RNGTT: variants seen among roughly 807,000 people sequenced by gnomAD.
RNGTT encodes the protein RNA guanylyltransferase and 5'-phosphatase, also known as mRNA-capping enzyme.
RNGTT carries 33 observed loss-of-function variants against 79.3 expected under a neutral mutation model. That is an observed-to-expected ratio of 0.42 (90% CI 0.32 to 0.56). The LOEUF (loss-of-function observed/expected upper bound fraction) is 0.56. Ranked by LOEUF, RNGTT falls within the 20% of genes least tolerant of loss-of-function variation. RNGTT has a pLI of 0.17. For missense variants in RNGTT, 497 were observed against 739.1 expected (o/e 0.67, Z 3.80); for synonymous variants, 222 against 235.9 (o/e 0.94, Z 0.54).
At chr6:88,955,938 G>A (rs1785415794) in intron 1 of RNGTT, among the ~76,000 whole-genome samples, 1 of 151,420 alleles carries the variant, frequency 6.6e-6, no homozygotes, top group Non-Finnish European at 1.5e-5. Flanking sequence ...CTACTTGGGA[G>A]GCTGAGGCAG....
In RNGTT at chr6:88,904,913, T is replaced by A; in HGVS notation, c.486A>T (p.Pro162=). The part of the protein sequence containing the change: ...AVATFAQARP[P]GIYKGDYLKE... Reference sequence around the variant, plus strand: ...TCAAATAATCACCCTTGTAGATTCCTGGTGGTCTGGCTTGGGCAAAAGTAG... The same window carrying A: ...TCAAATAATCACCCTTGTAGATTCCAGGTGGTCTGGCTTGGGCAAAAGTAG... The change falls in exon 6 of 16, where the codon CCA becomes CCT. Residue 162 remains proline (P), a synonymous_variant. Transcript: ENST00000369485. The A allele has an allele frequency of 6.2e-7, 1 of 1,614,100 alleles. No homozygotes were observed. The highest frequency in any genetic ancestry group is 8.5e-7 in the Non-Finnish European group (1 of 1,179,998).
intron 11 of RNGTT, among the ~76,000 whole-genome samples, chr6:88,814,534 A>G (rs936041798): frequency 6.6e-6 from 1 of 152,204 alleles, no homozygotes; most frequent in Admixed American, 6.5e-5. Context: ...TAAAATATTT[A>G]TATACTTTGA....
intron 12 of RNGTT, among the ~76,000 whole-genome samples, chr6:88,796,779 T>C (rs923430567): frequency 1.3e-5 from 2 of 152,160 alleles, no homozygotes; most frequent in Non-Finnish European, 2.9e-5. Flanking sequence ...TTAGGAAGCT[T>C]ATTACAAATA....
At chr6:88,881,080 CAA>C (rs1782682190) in intron 8 of RNGTT, among the ~76,000 whole-genome samples, 1 of 151,962 alleles carries the variant, frequency 6.6e-6, no homozygotes, top group Admixed American at 6.6e-5. Context: ...AATAATGAAA[CAA>C]GAGTACTCAA....
Position 88,782,042 on chromosome 6 carries a change from C to T in RNGTT, c.1339-12168G>A, listed in dbSNP as rs570043948. 1.2e-3 allele frequency among the ~76,000 whole-genome samples: 182 copies of T among 152,096 alleles called. 6 individuals carry two copies. Among genetic ancestry groups the T allele is most frequent in the African/African-American group, 4.1e-3 (169 of 41,404 alleles). On this transcript the variant is annotated intron_variant, in intron 12 of 15. Transcript: ENST00000369485. ...ACCTAACAACCAAAGACCACCTCCC[C>T]GTGCCCACTTACCTAGCCTTATTCA...
chr6:88,741,894 C>G (rs961903783), intron 13 of RNGTT, among the ~76,000 whole-genome samples: 8 of 152,152 alleles, frequency 5.3e-5, no homozygotes, highest in Non-Finnish European at 8.8e-5. Context: ...TAATTATCGA[C>G]TGGTAGGACG....
chr6:88,747,177 C>A (rs1777687465), intron 13 of RNGTT, among the ~76,000 whole-genome samples: 1 of 152,078 alleles, frequency 6.6e-6, no homozygotes, highest in East Asian at 1.9e-4. Context: ...TGTGTTGGGG[C>A]AGGGGGTGGG....
chr6:88,695,745 A>G (rs903981355), intron 13 of RNGTT, among the ~76,000 whole-genome samples: 23 of 152,230 alleles, frequency 1.5e-4, no homozygotes, highest in African/African-American at 5.1e-4. Context: ...TATGGAATCA[A>G]CCTAAATGTT....
intron 13 of RNGTT, among the ~76,000 whole-genome samples, chr6:88,763,303 T>C (rs923882701): frequency 3.9e-5 from 6 of 151,918 alleles, no homozygotes; most frequent in African/African-American, 1.5e-4. Context: ...TTGGGGTTGT[T>C]TCCACCCTTT....
chr6:88,904,976 G>A lies in RNGTT; in HGVS notation c.444-21C>T, dbSNP rs1783604338. On this transcript the variant is annotated intron_variant, in intron 5 of 15. Coordinates refer to ENST00000369485, the MANE Select transcript of RNGTT (RefSeq NM_003800.5). ...CGATACTATAGGAAACAAACACCAT[G>A]CAATTTCCTCGCTATCCTCTATTTA... 3.1e-6 allele frequency: 5 copies of A among 1,608,686 alleles called. No homozygotes were observed. The African/African-American group carries it at 6.7e-5, about 22-fold the overall frequency.
At chr6:88,908,797 C>T (rs1378658969) in intron 4 of RNGTT, among the ~76,000 whole-genome samples, 1 of 152,130 alleles carries the variant, frequency 6.6e-6, no homozygotes, top group East Asian at 1.9e-4. Flanking sequence ...TGCCATAGGA[C>T]CATAGTGTAT....
chr6:88,829,462 A>C (rs537416398), intron 11 of RNGTT, among the ~76,000 whole-genome samples: 1 of 152,222 alleles, frequency 6.6e-6, no homozygotes, highest in Non-Finnish European at 1.5e-5. Flanking sequence ...AAGAAACTGC[A>C]TCAACTAATG....
chr6:88,873,564 A>G (rs1465938799), intron 8 of RNGTT, among the ~76,000 whole-genome samples: 2 of 152,184 alleles, frequency 1.3e-5, no homozygotes, highest in African/African-American at 4.8e-5. Flanking sequence ...AGTCAATGAA[A>G]CAAAAAATAT....
chr6:88,706,502 CA>C (rs1776134937), intron 13 of RNGTT, among the ~76,000 whole-genome samples: 1 of 151,922 alleles, frequency 6.6e-6, no homozygotes, highest in Non-Finnish European at 1.5e-5. Flanking sequence ...TGTCAGATAT[CA>C]GGTAACATAG....
chr6:88,917,870 G>C (rs1364882409), intron 4 of RNGTT, among the ~76,000 whole-genome samples: 1 of 152,172 alleles, frequency 6.6e-6, no homozygotes, highest in East Asian at 1.9e-4. Flanking sequence ...CTGGGCGACA[G>C]AGCGAGACAC....
chr6:88,804,903 C>A (rs1002592638), intron 11 of RNGTT, among the ~76,000 whole-genome samples: 1 of 152,190 alleles, frequency 6.6e-6, no homozygotes. Flanking sequence ...GCTACAAGTA[C>A]TGGTTGACTA....
At chr6:88,869,432 T>C (rs1782285407) in intron 8 of RNGTT, among the ~76,000 whole-genome samples, 1 of 152,174 alleles carries the variant, frequency 6.6e-6, no homozygotes, top group African/African-American at 2.4e-5. Context: ...CTATAGCTGA[T>C]TGGTTTAATT....
At chr6:88,923,843 C>A (rs1784236755) in intron 4 of RNGTT, among the ~76,000 whole-genome samples, 1 of 152,202 alleles carries the variant, frequency 6.6e-6, no homozygotes, top group African/African-American at 2.4e-5. Flanking sequence ...TGTTCTATGG[C>A]CAGTTCACAA....
chr6:88,645,876 G>A (rs529798960), intron 14 of RNGTT, among the ~76,000 whole-genome samples: 18 of 152,304 alleles, frequency 1.2e-4, no homozygotes, highest in African/African-American at 3.6e-4. Context: ...AGACTTAAAC[G>A]TTAGACCTAA....
Sources: gnomAD v4.1 joint callset for allele counts (sites outside exome capture counted in the v4.1 genomes callset) on GRCh38, gnomAD v4.1.1 for gene constraint, MANE v1.5 for transcripts, NCBI Gene and HGNC (gene_info 2026-07-23, HGNC 2026-07-21) for gene names.